LIMCH1: variants seen among roughly 807,000 people sequenced by gnomAD.
LIMCH1 encodes LIM and calponin homology domains 1, also known as LIM and calponin homology domains-containing protein 1.
In LIMCH1, 113 loss-of-function variants were observed where a neutral mutation model predicts 176.5. That is an observed-to-expected ratio of 0.64 (90% CI 0.55 to 0.75). The LOEUF is 0.75. Among genes scored for constraint, LIMCH1 ranks in the 30% least tolerant of loss-of-function variants. The pLI is 0.00. For missense variants in LIMCH1, 1,674 were observed against 1,814.9 expected, an observed-to-expected ratio of 0.92 and a Z score of 1.41; for synonymous variants, 619 against 645.9, an observed-to-expected ratio of 0.96 and a Z score of 0.63.
chr4:41,490,072 T>TGAG (rs764405539), intron 1 of LIMCH1, among the ~76,000 whole-genome samples: 3 of 151,922 alleles, frequency 2.0e-5, no homozygotes, highest in East Asian at 3.9e-4. Context: ...TGGGGTAGAC[T>TGAG]GAGGAGGAGG....
intron 1 of LIMCH1, among the ~76,000 whole-genome samples, chr4:41,422,697 C>T (rs1256483628): frequency 3.9e-5 from 6 of 152,036 alleles, no homozygotes; most frequent in Admixed American, 3.9e-4. Context: ...GCTTGTGTGG[C>T]CAGATTGTGG....
At chr4:41,550,663 T>G (rs1420367479) in intron 1 of LIMCH1, among the ~76,000 whole-genome samples, 2 of 152,196 alleles carry the variant, frequency 1.3e-5, no homozygotes, top group African/African-American at 4.8e-5. Flanking sequence ...AAGAAATTAT[T>G]CATTTGGCTC....
At chr4:41,469,521 A>C (rs1202853585) in intron 1 of LIMCH1, among the ~76,000 whole-genome samples, 1 of 152,194 alleles carries the variant, frequency 6.6e-6, no homozygotes, top group African/African-American at 2.4e-5. Context: ...CATAGTGTCC[A>C]AGGCATGGCC....
chr4:41,509,459 T>A lies in LIMCH1; in HGVS notation c.167+14853T>A, dbSNP rs76456668. On this transcript the variant is annotated intron_variant, in intron 2 of 26. Transcript: ENST00000313860. ...TTTGGCCTTAGCAGACTGGGAAGAA[T>A]TTGATAGACTTTCTATGTAGGGTTC... is the stretch of plus-strand genomic sequence containing the variant. Among the ~76,000 whole-genome samples the A allele has an allele frequency of 3.6e-4, 55 of 152,316 alleles. 1 individual carries two copies. The East Asian group carries it at 0.01, about 29-fold the overall frequency.
chr4:41,469,997 T>C (rs1195280031), intron 1 of LIMCH1, among the ~76,000 whole-genome samples: 1 of 152,142 alleles, frequency 6.6e-6, no homozygotes, highest in African/African-American at 2.4e-5. Flanking sequence ...TGTTTTTGTT[T>C]TAAAGCAGTC....
chr4:41,619,042 A>G (rs2092361115), intron 5 of LIMCH1, 146 bp from the exon 6 acceptor site: 1 of 1,028,958 alleles, frequency 9.7e-7, no homozygotes, highest in Non-Finnish European at 1.4e-6. Flanking sequence ...TGTGTAACAA[A>G]TCTACACTTT....
rs1306460460 is a variant in LIMCH1, at chr4:41,699,743, C to A, written c.*2558C>A. On this transcript the variant is annotated 3_prime_UTR_variant, in exon 32 of 32. Coordinates refer to ENST00000503057, the MANE Select transcript of LIMCH1 (RefSeq NM_001330672.2). Reference sequence around the variant, plus strand: ...AAATAATGGGTAACTTTTTGTTTTTCACTAGCGAACTTCCATGACATTTCC... The same window carrying A: ...AAATAATGGGTAACTTTTTGTTTTTAACTAGCGAACTTCCATGACATTTCC... The A allele has an allele frequency of 2.6e-5, 4 of 151,956 alleles. No individual in the cohort carries two copies. Among genetic ancestry groups the A allele is most frequent in the Non-Finnish European group, 4.4e-5 (3 of 67,994 alleles). The allele number at this position is 151,956 out of a possible 1,614,324, so 9.4% of individuals were successfully genotyped here.
intron 3 of LIMCH1, among the ~76,000 whole-genome samples, chr4:41,530,820 T>TA (rs2077196442): frequency 2.3e-5 from 1 of 42,624 alleles, no homozygotes; most frequent in Admixed American, 2.1e-4. Flanking sequence ...AAAAAAAAAA[T>TA]TTTTTTTTTT....
intron 1 of LIMCH1, among the ~76,000 whole-genome samples, chr4:41,470,922 G>T (rs974229592): frequency 6.6e-6 from 1 of 151,814 alleles, no homozygotes. Flanking sequence ...CTTATGGAGA[G>T]GTTAAAAAAG....
intron 2 of LIMCH1, among the ~76,000 whole-genome samples, chr4:41,600,200 C>A (rs944702386): frequency 1.3e-5 from 2 of 151,996 alleles, no homozygotes; most frequent in African/African-American, 4.8e-5. Context: ...TTTAACTAAG[C>A]GAAAAAATAA....
intron 1 of LIMCH1, among the ~76,000 whole-genome samples, chr4:41,371,961 T>C (rs1172288734): frequency 1.3e-5 from 2 of 152,194 alleles, no homozygotes; most frequent in Admixed American, 1.3e-4. Flanking sequence ...TCATGTGAGA[T>C]TTTTATTAAC....
intron 1 of LIMCH1, among the ~76,000 whole-genome samples, chr4:41,393,354 T>C (rs1436158600): frequency 2.0e-5 from 3 of 152,198 alleles, no homozygotes; most frequent in African/African-American, 4.8e-5. Flanking sequence ...TAAATTATGA[T>C]GGTTCTACTC....
intron 2 of LIMCH1, among the ~76,000 whole-genome samples, chr4:41,498,319 CT>C (rs2154177595): frequency 6.6e-6 from 1 of 152,288 alleles, no homozygotes; most frequent in South Asian, 2.1e-4. Context: ...CCTGGGACAT[CT>C]CTTACTCCAT....
Position 41,393,766 on chromosome 4 carries a change from A to G in LIMCH1, c.96+32830A>G, listed in dbSNP as rs573216749. 1.6e-4 allele frequency among the ~76,000 whole-genome samples: 24 copies of G among 152,310 alleles called. No individual in the cohort carries two copies. The East Asian group carries it at 4.4e-3, about 28-fold the overall frequency. ...TGTATCCCTCTTTTAATCATCTAGAATTGTATATATAAATATAAACTGTAA... is the reference window on the plus strand; with the variant it reads ...TGTATCCCTCTTTTAATCATCTAGAGTTGTATATATAAATATAAACTGTAA... On this transcript the variant is annotated intron_variant, in intron 1 of 26. Transcript: ENST00000313860.
rs376258134 is a variant in LIMCH1, at chr4:41,605,947, C to T, written c.-49C>T. On this transcript the variant is annotated 5_prime_UTR_variant, in exon 4 of 32. Transcript: ENST00000503057. ...AAGCAGCAAACAGCTGCACATCCTA[C>T]AGCGGAACGACACTAAACCTGAAGG... 3.1e-6 allele frequency: 5 copies of T among 1,613,870 alleles called. No homozygotes were observed. Among genetic ancestry groups the T allele is most frequent in the Non-Finnish European group, 3.4e-6 (4 of 1,179,802 alleles).
chr4:41,554,762 C>A (rs1419625928), intron 1 of LIMCH1, among the ~76,000 whole-genome samples: 1 of 152,130 alleles, frequency 6.6e-6, no homozygotes, highest in Non-Finnish European at 1.5e-5. Context: ...TGAACCGTGT[C>A]AATTGGGTTT....
intron 27 of LIMCH1, among the ~76,000 whole-genome samples, chr4:41,685,187 C>T (rs776191504): frequency 7.2e-5 from 11 of 152,124 alleles, no homozygotes; most frequent in African/African-American, 1.7e-4. Context: ...GTGGAATTAA[C>T]GAATTTTGCC....
At chr4:41,401,957 A>T (rs2058483206) in intron 1 of LIMCH1, among the ~76,000 whole-genome samples, 1 of 152,188 alleles carries the variant, frequency 6.6e-6, no homozygotes, top group Admixed American at 6.5e-5. Flanking sequence ...TTTTCTAGAT[A>T]TACAATCGTG....
chr4:41,582,795 A>G (rs944649318), intron 1 of LIMCH1, among the ~76,000 whole-genome samples: 11 of 152,222 alleles, frequency 7.2e-5, no homozygotes, highest in African/African-American at 2.2e-4. Context: ...GTTGATATTT[A>G]TAATTATCAT....
Sources: allele counts gnomAD v4.1 joint callset (sites outside exome capture counted in the v4.1 genomes callset), GRCh38; gene constraint gnomAD v4.1.1; transcripts MANE v1.5; gene names NCBI Gene and HGNC (gene_info 2026-07-23, HGNC 2026-07-21).